Variants in SLC2A14 observed in about 807,000 individuals in gnomAD.
The protein encoded by SLC2A14 is solute carrier family 2 member 14.
SLC2A14 carries 13 observed loss-of-function variants against 43.0 expected under a neutral mutation model. The observed-to-expected ratio is 0.30, with a 90% confidence interval of 0.20 to 0.48. The LOEUF (loss-of-function observed/expected upper bound fraction) is 0.48, where lower values mean the gene tolerates loss of function less well. Ranked by LOEUF, SLC2A14 falls within the 20% of genes least tolerant of loss-of-function variation. SLC2A14 has a pLI of 0.99. For missense variants in SLC2A14, 428 were observed against 620.4 expected, an observed-to-expected ratio of 0.69 and a Z score of 3.29; for synonymous variants, 190 against 233.8, an observed-to-expected ratio of 0.81 and a Z score of 1.71.
chr12:7,871,760 A>G (rs779211807), intron 1 of SLC2A14: 7 of 280,906 alleles, frequency 2.5e-5, no homozygotes, highest in African/African-American at 2.3e-5. Flanking sequence ...CTGAGATCCA[A>G]TACCATTTCA....
intron 10 of SLC2A14, among the ~76,000 whole-genome samples, chr12:7,817,514 A>G (rs1863556514): frequency 6.6e-6 from 1 of 151,636 alleles, no homozygotes; most frequent in Admixed American, 6.6e-5. Context: ...CACGCCTGTA[A>G]TCCCAGCACT....
intron 4 of SLC2A14, 199 bp downstream of exon 4, chr12:7,831,405 C>T (rs1865013357): frequency 2.9e-6 from 2 of 697,946 alleles, no homozygotes; most frequent in Non-Finnish European, 4.7e-6. Flanking sequence ...ATCTCTTGCA[C>T]AGCTGGGTGG....
upstream of SLC2A14, among the ~76,000 whole-genome samples, chr12:7,874,925 ATTTATATATAATT>A (rs1945417050): frequency 3.8e-5 from 2 of 52,988 alleles, no homozygotes; most frequent in Non-Finnish European, 6.2e-5. Context: ...ATAAATATAT[ATTTATATATAATT>A]TATATATAAA....
chr12:7,849,007 C>T (rs1866702420), intron 2 of SLC2A14, among the ~76,000 whole-genome samples: 1 of 151,896 alleles, frequency 6.6e-6, no homozygotes, highest in African/African-American at 2.4e-5. Flanking sequence ...GAACCTGCCA[C>T]CTCGCCCGGC....
chr12:7,818,606 G>C (rs188343142), intron 9 of SLC2A14, among the ~76,000 whole-genome samples: 7 of 152,136 alleles, frequency 4.6e-5, no homozygotes, highest in African/African-American at 1.7e-4. Context: ...AGATTGCAGT[G>C]AGCCAAGATG....
Position 7,828,789 on chromosome 12 carries a change from G to C in SLC2A14, c.591C>G (p.Ile197Met). ...AACATGGAAGGGCTGCACTTTGCAG[G>C]ATAGCTGGAAGGATGGTAAAGCCTA... Reference protein sequence around the residue: ...VLLGFTILPAILQSAALPCCP... With the variant: ...VLLGFTILPAMLQSAALPCCP... The change falls in exon 6 of 11, where the codon ATC (isoleucine) becomes ATG (methionine). Residue 197 changes from isoleucine to methionine, a missense_variant. Coordinates refer to ENST00000431042, the MANE Select transcript of SLC2A14 (RefSeq NM_001286234.2). 6.2e-7 allele frequency: 1 copy of C among 1,614,164 alleles called. No individual in the cohort carries two copies. The highest frequency in any genetic ancestry group is 8.5e-7 in the Non-Finnish European group (1 of 1,180,030).
At chr12:7,838,082 T>C (rs920492623) in intron 2 of SLC2A14, among the ~76,000 whole-genome samples, 1 of 142,868 alleles carries the variant, frequency 7.0e-6, no homozygotes, top group African/African-American at 2.5e-5. Flanking sequence ...TTGTTATGTG[T>C]TTTTACCACA....
chr12:7,839,913 C>T (rs1865783871), intron 2 of SLC2A14: 2 of 311,438 alleles, frequency 6.4e-6, no homozygotes, highest in Non-Finnish European at 1.2e-5. Flanking sequence ...CACAAGGAGA[C>T]CCTGTCTCTA....
In SLC2A14 at chr12:7,829,786, T is replaced by C. The variant is rs755699066; in HGVS notation, c.493A>G (p.Ile165Val). ...AGTACCTGGGCCACCAGAATTCCAATAACTATGCCCAGCTGGTTGAGAGTG... is the reference window on the plus strand; with the variant it reads ...AGTACCTGGGCCACCAGAATTCCAACAACTATGCCCAGCTGGTTGAGAGTG... ...FGTLNQLGIV[I>V]GILVAQIFGL... The change falls in exon 5 of 11, where the codon ATT becomes GTT. Residue 165 changes from isoleucine (I) to valine (V), a missense_variant. By Grantham distance (29) the Ile-to-Val change is conservative. Coordinates refer to ENST00000431042, the MANE Select transcript of SLC2A14 (RefSeq NM_001286234.2). The C allele has an allele frequency of 1.5e-5, 25 of 1,614,054 alleles. 1 individual carries two copies. The highest frequency in any genetic ancestry group is 1.7e-4 in the Middle Eastern group (1 of 6,060).
intron 2 of SLC2A14, among the ~76,000 whole-genome samples, chr12:7,838,484 T>C (rs1231109176): frequency 6.6e-6 from 1 of 152,174 alleles, no homozygotes; most frequent in Non-Finnish European, 1.5e-5. Flanking sequence ...ATTTCCCCCT[T>C]TTGCAATGGG....
intron 2 of SLC2A14, among the ~76,000 whole-genome samples, chr12:7,840,874 C>A (rs1865894972): frequency 6.6e-6 from 1 of 152,192 alleles, no homozygotes; most frequent in Non-Finnish European, 1.5e-5. Context: ...AACTGGAGAA[C>A]TGGAGTTGCC....
intron 1 of SLC2A14, among the ~76,000 whole-genome samples, chr12:7,881,381 CGG>C (rs1328382490): frequency 2.0e-5 from 3 of 151,760 alleles, no homozygotes; most frequent in Admixed American, 6.6e-5. Context: ...AGCGGCCGGC[CGG>C]CCGGCCCTGG....
At chr12:7,816,923 T>C (rs1395711856) in intron 10 of SLC2A14, among the ~76,000 whole-genome samples, 2 of 151,952 alleles carry the variant, frequency 1.3e-5, no homozygotes, top group Non-Finnish European at 2.9e-5. Flanking sequence ...GTCAGGCTAA[T>C]CTCGAACTCT....
At chr12:7,870,853 T>C in intron 1 of SLC2A14, 1 of 1,276,086 alleles carries the variant, frequency 7.8e-7, no homozygotes, top group African/African-American at 1.6e-5. Context: ...GAAGCCAAAA[T>C]GTTCAGCAAG....
chr12:7,864,132 T>C (rs1268401123), intron 2 of SLC2A14, among the ~76,000 whole-genome samples: 3 of 151,806 alleles, frequency 2.0e-5, no homozygotes, highest in Non-Finnish European at 4.4e-5. Context: ...TTGTTTTGAT[T>C]ACAGCTTACT....
upstream of SLC2A14, among the ~76,000 whole-genome samples, chr12:7,874,799 A>AT (rs200733431): frequency 1.0e-5 from 1 of 100,346 alleles, no homozygotes; most frequent in Admixed American, 1.3e-4. Context: ...ATATATAAAT[A>AT]ATATATAAAT....
At chr12:7,868,962 T>C (rs144914635) in intron 2 of SLC2A14, among the ~76,000 whole-genome samples, 1 of 151,940 alleles carries the variant, frequency 6.6e-6, no homozygotes, top group Non-Finnish European at 1.5e-5. Flanking sequence ...CTGACCAACA[T>C]GGAGAAACCC....
chr12:7,821,088 A>G (rs1863871846), intron 8 of SLC2A14, 133 bp downstream of exon 8: 2 of 653,220 alleles, frequency 3.1e-6, no homozygotes, highest in Non-Finnish European at 4.9e-6. Flanking sequence ...CTCTGTCTCA[A>G]AAAATTTAAA....
intron 2 of SLC2A14, among the ~76,000 whole-genome samples, chr12:7,846,295 T>C (rs1255129254): frequency 6.6e-6 from 1 of 151,952 alleles, no homozygotes; most frequent in African/African-American, 2.4e-5. Flanking sequence ...CAATTTTATT[T>C]ACAGATATTT....
Sources: gnomAD v4.1 joint callset for allele counts (sites outside exome capture counted in the v4.1 genomes callset) on GRCh38, gnomAD v4.1.1 for gene constraint, MANE v1.5 for transcripts, NCBI Gene and HGNC (gene_info 2026-07-23, HGNC 2026-07-21) for gene names.